Variants in ABCE1 observed in about 807,000 individuals in gnomAD.
ABCE1 encodes ATP binding cassette subfamily E member 1.
A neutral mutation model predicts 83.4 loss-of-function variants in ABCE1; 22 were observed. That is an observed-to-expected ratio of 0.26 (90% CI 0.19 to 0.38). The LOEUF (loss-of-function observed/expected upper bound fraction) is 0.38, where lower values mean the gene tolerates loss of function less well. Among genes scored for constraint, ABCE1 ranks in the 10% least tolerant of loss-of-function variants. ABCE1 has a pLI of 1.00. For missense variants in ABCE1, 330 were observed against 721.9 expected (o/e 0.46, Z 6.22); for synonymous variants, 204 against 233.7 (o/e 0.87, Z 1.16).
At chr4:145,124,166 A>T (rs1749814048) in intron 16 of ABCE1, among the ~76,000 whole-genome samples, 1 of 152,254 alleles carries the variant, frequency 6.6e-6, no homozygotes, top group Non-Finnish European at 1.5e-5. Context: ...TTTTACCTTT[A>T]GTGCTAAAGC....
At position 145,108,131 on chromosome 4, in the gene ABCE1, A is replaced by T. The variant is rs375618912; in HGVS notation, c.287+19A>T. ...TTCACAGGTATATTTTCACATCAGG[A>T]TTCCTCTTCTGTCAAGTTAAGAGTA... On this transcript the variant is annotated intron_variant, in intron 4 of 17. Coordinates refer to ENST00000296577, the MANE Select transcript of ABCE1 (RefSeq NM_002940.3). 79 of 1,598,304 alleles carry T rather than the reference A, an allele frequency of 4.9e-5. No individual in the cohort carries two copies. Among genetic ancestry groups the T allele is most frequent in the Non-Finnish European group, 6.7e-5 (78 of 1,167,098 alleles).
chr4:145,121,174 GA>G lies in ABCE1; in HGVS notation c.1147del (p.Thr383ArgfsTer25). ...SEIMVMLGENGTGKTTFIRML... is the reference protein window; with the variant it reads ...SEIMVMLGENXTGKTTFIRML... Reference sequence around the variant, plus strand: ...AAACTGTCATATGTTGTGTTGCCAGGAACGGGTAAAACGACATTTATCAGAA... The same window carrying G: ...AAACTGTCATATGTTGTGTTGCCAGGACGGGTAAAACGACATTTATCAGAA... On this transcript the variant is annotated frameshift_variant and splice_region_variant, in exon 12 of 18. Transcript: ENST00000296577. LOFTEE classifies it high-confidence loss of function. 1 of 1,613,174 alleles carries G rather than the reference GA, an allele frequency of 6.2e-7. No individual in the cohort carries two copies. Among genetic ancestry groups the G allele is most frequent in the Non-Finnish European group, 8.5e-7 (1 of 1,179,896 alleles).
At chr4:145,125,247 C>G (rs1048868653) in intron 17 of ABCE1, 146 bp downstream of exon 17, 3 of 551,704 alleles carry the variant, frequency 5.4e-6, no homozygotes, top group Non-Finnish European at 9.7e-6. Flanking sequence ...GCAGGCAGAT[C>G]ACTTGAGGTC....
intron 8 of ABCE1, 21 bp from the exon 9 acceptor site, chr4:145,112,218 T>C (rs1237168898): frequency 2.0e-5 from 15 of 740,714 alleles, no homozygotes; most frequent in African/African-American, 5.6e-5. Context: ...TATATTTGCT[T>C]TTTTTTTTTT....
At chr4:145,127,471 T>G in intron 17 of ABCE1, 55 bp from the exon 18 acceptor site, 1 of 1,488,750 alleles carries the variant, frequency 6.7e-7, no homozygotes, top group Non-Finnish European at 9.2e-7. Context: ...AAGTCTACTT[T>G]TACCTATAGT....
intron 16 of ABCE1, among the ~76,000 whole-genome samples, chr4:145,124,320 A>G (rs961407987): frequency 6.6e-6 from 1 of 152,154 alleles, no homozygotes; most frequent in Non-Finnish European, 1.5e-5. Context: ...TCTAAGAAAT[A>G]AAAGTATTTT....
intron 9 of ABCE1, among the ~76,000 whole-genome samples, chr4:145,115,697 T>A (rs1421778986): frequency 6.6e-6 from 1 of 151,920 alleles, no homozygotes; most frequent in Non-Finnish European, 1.5e-5. Flanking sequence ...TTATGGCTAG[T>A]AGTCACTATA....
chr4:145,113,412 G>A (rs967747817), intron 9 of ABCE1, among the ~76,000 whole-genome samples: 6 of 152,054 alleles, frequency 3.9e-5, no homozygotes, highest in African/African-American at 1.4e-4. Flanking sequence ...AGTGGAATCT[G>A]TGAACCCTTC....
At chr4:145,103,886 G>A (rs1054911820) in intron 1 of ABCE1, among the ~76,000 whole-genome samples, 3 of 151,104 alleles carry the variant, frequency 2.0e-5, no homozygotes, top group South Asian at 2.1e-4. Flanking sequence ...CTCAGCCTCC[G>A]GAATAGCTGG....
At chr4:145,099,199 T>C (rs1434943359) in intron 1 of ABCE1, among the ~76,000 whole-genome samples, 1 of 152,234 alleles carries the variant, frequency 6.6e-6, no homozygotes, top group African/African-American at 2.4e-5. Flanking sequence ...ATACGTATTG[T>C]GAATGAATGA....
intron 9 of ABCE1, among the ~76,000 whole-genome samples, chr4:145,113,184 A>G (rs1749527357): frequency 1.3e-5 from 2 of 152,216 alleles, no homozygotes; most frequent in African/African-American, 4.8e-5. Context: ...AAGGTCTAGT[A>G]TTGGATTTTC....
At chr4:145,106,958 C>A (rs1579210910) in intron 3 of ABCE1, among the ~76,000 whole-genome samples, 1 of 152,022 alleles carries the variant, frequency 6.6e-6, no homozygotes, top group East Asian at 1.9e-4. Context: ...AGAATTGGTC[C>A]CCTAAGCTCA....
chr4:145,108,029 C>T lies in ABCE1; in HGVS notation c.204C>T (p.Gly68=), dbSNP rs200854319. ...TTAAATAACAGAAATGCCCCTTTGG[C>T]GCCTTATCAATTGTCAATCTACCAA... ...CGICIKKCPF[G]ALSIVNLPSN... The change falls in exon 4 of 18, where the codon GGC becomes GGT. Residue 68 remains glycine (G), a synonymous_variant. Coordinates refer to ENST00000296577, the MANE Select transcript of ABCE1 (RefSeq NM_002940.3). The T allele has an allele frequency of 3.8e-5, 62 of 1,612,966 alleles. No individual in the cohort carries two copies. In the East Asian group the frequency reaches 9.1e-4, roughly 24 times the overall value.
chr4:145,119,940 A>AT lies in ABCE1; in HGVS notation c.938dup (p.Leu313PhefsTer20). 6.2e-7 allele frequency: 1 copy of AT among 1,609,364 alleles called. No individual in the cohort carries two copies. The highest frequency in any genetic ancestry group is 1.1e-5 in the South Asian group (1 of 89,778). ...AATTTTCTTCCCAACAGGCATAAAC[A>AT]TTTTTTTGGATGGCTATGTTCCAAC... On this transcript the variant is annotated frameshift_variant, in exon 11 of 18. Coordinates refer to ENST00000296577, the MANE Select transcript of ABCE1 (RefSeq NM_002940.3). LOFTEE classifies it high-confidence loss of function.
chr4:145,123,098 G>A lies in ABCE1; in HGVS notation c.1341G>A (p.Lys447=). 6.2e-7 allele frequency: 1 copy of A among 1,604,494 alleles called. No homozygotes were observed. Among genetic ancestry groups the A allele is most frequent in the Non-Finnish European group, 8.5e-7 (1 of 1,177,212 alleles). ...CACAATTTGTGACCGATGTAATGAAGCCTCTGCAAATTGAAAACATCATTG... is the reference window on the plus strand; with the variant it reads ...CACAATTTGTGACCGATGTAATGAAACCTCTGCAAATTGAAAACATCATTG... ...THPQFVTDVM[K]PLQIENIIDQ... Residue 447 remains lysine, a synonymous_variant, in exon 14 of 18, where the codon AAG becomes AAA. Coordinates refer to ENST00000296577, the MANE Select transcript of ABCE1 (RefSeq NM_002940.3).
chr4:145,124,596 C>G (rs561698920), intron 16 of ABCE1, among the ~76,000 whole-genome samples: 1 of 152,216 alleles, frequency 6.6e-6, no homozygotes, highest in Admixed American at 6.5e-5. Flanking sequence ...GACATATTCC[C>G]TCCAGTAACA....
chr4:145,112,158 T>C (rs935135500), intron 8 of ABCE1, 81 bp from the exon 9 acceptor site: 3 of 963,786 alleles, frequency 3.1e-6, no homozygotes, highest in Admixed American at 5.8e-5. Flanking sequence ...CTCTTGATAC[T>C]ACAGTGCTTT....
chr4:145,108,756 C>T (rs1198855874), intron 4 of ABCE1, among the ~76,000 whole-genome samples: 2 of 152,170 alleles, frequency 1.3e-5, no homozygotes, highest in Non-Finnish European at 2.9e-5. Context: ...AAAAGAAAGA[C>T]ATTGTGAGGT....
chr4:145,112,864 A>G (rs1579215674), intron 9 of ABCE1, among the ~76,000 whole-genome samples: 2 of 152,122 alleles, frequency 1.3e-5, no homozygotes, highest in South Asian at 2.1e-4. Flanking sequence ...TGGTATTCCT[A>G]TTTTGCAGAT....
Sources: gnomAD v4.1 joint callset for allele counts (sites outside exome capture counted in the v4.1 genomes callset) on GRCh38, gnomAD v4.1.1 for gene constraint, MANE v1.5 for transcripts, NCBI Gene and HGNC (gene_info 2026-07-23, HGNC 2026-07-21) for gene names.